Variants in UGT1A4 observed in about 807,000 individuals in gnomAD.
The protein encoded by UGT1A4 is UDP glucuronosyltransferase family 1 member A4, also known as UDP-glucuronosyltransferase 1A4.
In UGT1A4, 32 loss-of-function variants were observed where a neutral mutation model predicts 41.1. The observed-to-expected ratio is 0.78, with a 90% CI of 0.59 to 1.05. The LOEUF is 1.05. UGT1A4 is among the 50% of genes least tolerant of loss of function. The pLI is 0.00. For missense variants in UGT1A4, 748 were observed against 677.4 expected, an observed-to-expected ratio of 1.10 and a Z score of -1.16; for synonymous variants, 283 against 265.1, an observed-to-expected ratio of 1.07 and a Z score of -0.66.
At chr2:233,758,802 A>G (rs1160659282) in intron 1 of UGT1A4, among the ~76,000 whole-genome samples, 1 of 152,232 alleles carries the variant, frequency 6.6e-6, no homozygotes, top group Non-Finnish European at 1.5e-5. Flanking sequence ...TTGGAATTGT[A>G]TAGTACAGCA....
intron 1 of UGT1A4, chr2:233,729,465 T>A (rs757398194): frequency 5.6e-6 from 9 of 1,614,038 alleles, no homozygotes; most frequent in African/African-American, 2.7e-5. Flanking sequence ...TTTTCAGAAG[T>A]ATGGCAATGT....
intron 1 of UGT1A4, chr2:233,754,798 C>T (rs781516183): frequency 6.4e-6 from 8 of 1,247,628 alleles, no homozygotes; most frequent in African/African-American, 6.1e-5. Context: ...AATCCTGTAT[C>T]AAAAGAAGAA....
At position 233,718,998 on chromosome 2, in the gene UGT1A4, G is replaced by T. The variant is rs759529745; in HGVS notation, c.178G>T (p.Val60Phe). 3 of 1,614,266 alleles carry T rather than the reference G, an allele frequency of 1.9e-6. No individual in the cohort carries two copies. Among genetic ancestry groups the T allele is most frequent in the South Asian group, 1.1e-5 (1 of 91,078 alleles). The change falls in exon 1 of 5, where the codon GTC (valine) becomes TTC (phenylalanine). Residue 60 changes from valine to phenylalanine, a missense_variant. Coordinates refer to ENST00000373409, the MANE Select transcript of UGT1A4 (RefSeq NM_007120.3). ...CCATGCCAGAGGCCACCAGGCGGTG[G>T]TCCTCACCCCAGAGGTGAATATGCA... ...ELHARGHQAV[V>F]LTPEVNMHIK...
At chr2:233,759,078 G>A (rs997941103) in intron 1 of UGT1A4, among the ~76,000 whole-genome samples, 3 of 152,214 alleles carry the variant, frequency 2.0e-5, no homozygotes, top group Non-Finnish European at 4.4e-5. Flanking sequence ...TTGGAAGAAA[G>A]AGACTTTGTT....
intron 1 of UGT1A4, among the ~76,000 whole-genome samples, chr2:233,745,069 T>C (rs1371401376): frequency 2.0e-5 from 3 of 151,904 alleles, no homozygotes; most frequent in African/African-American, 7.3e-5. Flanking sequence ...ATTATTTGTA[T>C]TGTTTTTTCA....
At chr2:233,766,444 G>A (rs1260169711) in intron 1 of UGT1A4, among the ~76,000 whole-genome samples, 1 of 152,210 alleles carries the variant, frequency 6.6e-6, no homozygotes, top group African/African-American at 2.4e-5. Context: ...CTGTGTGTCT[G>A]CCTGCTAGGG....
chr2:233,764,590 G>A (rs1263378964), intron 1 of UGT1A4, among the ~76,000 whole-genome samples: 1 of 152,150 alleles, frequency 6.6e-6, no homozygotes, highest in Non-Finnish European at 1.5e-5. Context: ...GCCTTTTCCA[G>A]ATGAGCTTCA....
chr2:233,741,522 A>C (rs1173490557), intron 1 of UGT1A4: 1 of 151,908 alleles, frequency 6.6e-6, no homozygotes, highest in African/African-American at 2.4e-5. Flanking sequence ...AAGCCTTAAC[A>C]GTCTGTCTTA....
intron 1 of UGT1A4, among the ~76,000 whole-genome samples, chr2:233,744,939 T>C (rs1164592780): frequency 6.6e-6 from 1 of 151,916 alleles, no homozygotes; most frequent in Non-Finnish European, 1.5e-5. Context: ...AATGACACAG[T>C]ATTTGTATAT....
In UGT1A4 at chr2:233,772,840, C is replaced by G. The variant is rs1271510565; in HGVS notation, c.*281C>G. 15 of 833,784 alleles carry G rather than the reference C, an allele frequency of 1.8e-5. No homozygotes were observed. The highest frequency in any genetic ancestry group is 3.3e-5 in the Admixed American group (1 of 29,978). The allele number at this position is 833,784 out of a possible 1,614,324, so 51.6% of individuals were successfully genotyped here. A position where few individuals can be genotyped will look rare whatever the true frequency, so the allele number is the denominator to read the frequency against. On this transcript the variant is annotated 3_prime_UTR_variant, in exon 5 of 5. Transcript: ENST00000373409. ...GCAGACAGGCTGGCATTCTAGATTACTTTTCTTACTCTGAAACATGGCCTG... is the reference window on the plus strand; with the variant it reads ...GCAGACAGGCTGGCATTCTAGATTAGTTTTCTTACTCTGAAACATGGCCTG...
At chr2:233,739,657 C>G (rs772609637) in intron 1 of UGT1A4, among the ~76,000 whole-genome samples, 2 of 152,202 alleles carry the variant, frequency 1.3e-5, no homozygotes, top group Non-Finnish European at 2.9e-5. Flanking sequence ...TTCTGTACCC[C>G]CATTGTGTCT....
At chr2:233,721,562 G>C (rs1409521853) in intron 1 of UGT1A4, 1 of 161,154 alleles carries the variant, frequency 6.2e-6, no homozygotes, top group Non-Finnish European at 1.4e-5. Context: ...GTTTCTTCTG[G>C]GATATCTTTT....
Position 233,769,204 on chromosome 2 carries a change from CA to C in UGT1A4, c.1307+766del, listed in dbSNP as rs1195031897. 1.3e-5 allele frequency among the ~76,000 whole-genome samples: 2 copies of C among 152,164 alleles called. No individual in the cohort carries two copies. The highest frequency in any genetic ancestry group is 4.8e-5 in the African/African-American group (2 of 41,440). ...TGAATGAAGGAGCTATAAGATATCA[CA>C]GACAAAGTCTTAGAATAAGAGCAAA... On this transcript the variant is annotated intron_variant, in intron 4 of 4. Transcript: ENST00000373409. This position sits in a 1 kb window ranked among gnomAD's most constrained non-coding sequence, Gnocchi z 4.4.
chr2:233,721,742 G>A lies in UGT1A4; in HGVS notation c.867+2055G>A, dbSNP rs752644717. On this transcript the variant is annotated intron_variant, in intron 1 of 4. Transcript: ENST00000373409. ...TTTACTTGGATAAGCTTAATGATGA[G>A]AGAATCTACATCTAAATTGTTATAT... 6 of 435,954 alleles carry A rather than the reference G, an allele frequency of 1.4e-5. No individual in the cohort carries two copies. The East Asian group carries it at 1.9e-4, about 14-fold the overall frequency. The allele number at this position is 435,954 out of a possible 1,614,324, so 27.0% of individuals were successfully genotyped here. A position where few individuals can be genotyped will look rare whatever the true frequency, so the allele number is the denominator to read the frequency against.
rs774677126 is a variant in UGT1A4, at chr2:233,772,538, C to T, written c.1584C>T (p.Ala528=). The change falls in exon 5 of 5, where the codon GCC becomes GCT. Residue 528 remains alanine (A), a synonymous_variant. Coordinates refer to ENST00000373409, the MANE Select transcript of UGT1A4 (RefSeq NM_007120.3). ...GGAAAAAAGGGCGAGTTAAGAAAGC[C>T]CACAAATCCAAGACCCATTGAGAAG... ...CLGKKGRVKK[A]HKSKTH is the part of the protein sequence containing the mutation. 4 of 1,614,040 alleles carry T rather than the reference C, an allele frequency of 2.5e-6. No individual in the cohort carries two copies. The highest frequency in any genetic ancestry group is 3.4e-6 in the Non-Finnish European group (4 of 1,179,978).
chr2:233,760,572 C>T (rs1697490823), intron 1 of UGT1A4: 12 of 1,614,062 alleles, frequency 7.4e-6, no homozygotes, highest in East Asian at 2.2e-5. Context: ...TTGTTAGTCT[C>T]GGGCATAATG....
chr2:233,754,498 C>T, intron 1 of UGT1A4: 1 of 356,952 alleles, frequency 2.8e-6, no homozygotes, highest in South Asian at 2.1e-5. Context: ...TAAAAAAAGT[C>T]CGCTATTCCT....
At chr2:233,737,120 A>C (rs948512181) in intron 1 of UGT1A4, among the ~76,000 whole-genome samples, 9 of 152,336 alleles carry the variant, frequency 5.9e-5, no homozygotes, top group African/African-American at 2.2e-4. Flanking sequence ...CATGTTCAGA[A>C]GTTGTCTGCT....
rs969396704 is a variant in UGT1A4 at position 233,741,897 on chromosome 2, C to A, written c.867+22210C>A. On this transcript the variant is annotated intron_variant, in intron 1 of 4. Coordinates refer to ENST00000373409, the MANE Select transcript of UGT1A4 (RefSeq NM_007120.3). ...AGAGGTGACCCTAGAAGAAGGGACC[C>A]TTTGTGATGGAAAAGGTCTTCATTT... 18 of 151,852 alleles carry A rather than the reference C, an allele frequency of 1.2e-4. 1 individual carries two copies. Among genetic ancestry groups the A allele is most frequent in the African/African-American group, 4.1e-4 (17 of 41,132 alleles). The allele number at this position is 151,852 out of a possible 1,614,324, so 9.4% of individuals were successfully genotyped here. A position where few individuals can be genotyped will look rare whatever the true frequency, so the allele number is the denominator to read the frequency against.
Sources: gnomAD v4.1 joint callset for allele counts (sites outside exome capture counted in the v4.1 genomes callset) on GRCh38, gnomAD v4.1.1 for gene constraint, Gnocchi (gnomAD v3.1) non-coding constraint, MANE v1.5 for transcripts, NCBI Gene and HGNC (gene_info 2026-07-23, HGNC 2026-07-21) for gene names.